SHISA9: variants seen among roughly 807,000 people sequenced by gnomAD.
SHISA9 encodes shisa family member 9, also known as protein shisa-9.
A neutral mutation model predicts 38.0 loss-of-function variants in SHISA9; 13 were observed. The observed-to-expected ratio is 0.34, with a 90% confidence interval of 0.22 to 0.54. SHISA9 has a LOEUF of 0.54. Ranked by LOEUF, SHISA9 falls within the 20% of genes least tolerant of loss-of-function variation. The pLI, the probability that SHISA9 is intolerant of heterozygous loss-of-function variation, is 0.91. For missense variants in SHISA9, 538 were observed against 575.8 expected (o/e 0.93, Z 0.67); for synonymous variants, 275 against 242.0 (o/e 1.14, Z -1.27).
At chr16:13,090,820 G>A (rs2073767133) in intron 2 of SHISA9, among the ~76,000 whole-genome samples, 1 of 152,192 alleles carries the variant, frequency 6.6e-6, no homozygotes. Context: ...TGTTATGTGT[G>A]AATTTGATCC....
At chr16:13,204,162 C>T (rs1394528126) in intron 3 of SHISA9, among the ~76,000 whole-genome samples, 1 of 149,626 alleles carries the variant, frequency 6.7e-6, no homozygotes, top group Non-Finnish European at 1.5e-5. Flanking sequence ...ATCTATCTAT[C>T]TATCTATTTA....
the SHISA9 span, among the ~76,000 whole-genome samples, chr16:13,483,671 C>A: frequency 6.6e-6 from 1 of 152,044 alleles, no homozygotes; most frequent in East Asian, 1.9e-4. Flanking sequence ...TTAAGACCAC[C>A]CATCCCCAGA....
the SHISA9 span, among the ~76,000 whole-genome samples, chr16:13,388,296 C>T: frequency 6.6e-6 from 1 of 151,252 alleles, no homozygotes; most frequent in Admixed American, 6.6e-5. Context: ...GTGGGAAATC[C>T]CAGAATTTGG....
chr16:13,294,243 A>G, the SHISA9 span, among the ~76,000 whole-genome samples: 1 of 152,324 alleles, frequency 6.6e-6, no homozygotes, highest in Admixed American at 6.5e-5. Context: ...ATCTATTATT[A>G]TATATCACAT....
At chr16:13,093,543 T>C (rs1047017568) in intron 2 of SHISA9, among the ~76,000 whole-genome samples, 1 of 152,136 alleles carries the variant, frequency 6.6e-6, no homozygotes, top group Non-Finnish European at 1.5e-5. Flanking sequence ...AGGTATCATG[T>C]GCATATGAGA....
intron 2 of SHISA9, among the ~76,000 whole-genome samples, chr16:13,184,975 T>G (rs1417823720): frequency 6.6e-6 from 1 of 152,206 alleles, no homozygotes; most frequent in East Asian, 1.9e-4. Flanking sequence ...AGGATCATAT[T>G]GTAAGTATAT....
At chr16:12,989,287 C>T (rs967663400) in intron 2 of SHISA9, among the ~76,000 whole-genome samples, 1 of 152,106 alleles carries the variant, frequency 6.6e-6, no homozygotes, top group African/African-American at 2.4e-5. Flanking sequence ...AAGTGATTCT[C>T]CTGCCTCAGC....
At chr16:13,251,535 G>C in the SHISA9 span, among the ~76,000 whole-genome samples, 2 of 152,058 alleles carry the variant, frequency 1.3e-5, no homozygotes, top group Non-Finnish European at 2.9e-5. Context: ...GGAGATTAGT[G>C]GTGCATGTTC....
the SHISA9 span, among the ~76,000 whole-genome samples, chr16:13,544,042 A>G: frequency 6.6e-6 from 1 of 152,276 alleles, no homozygotes; most frequent in Non-Finnish European, 1.5e-5. Context: ...AACCCCATGG[A>G]CATGAAAGTG....
chr16:13,410,061 G>T, the SHISA9 span, among the ~76,000 whole-genome samples: 1 of 152,200 alleles, frequency 6.6e-6, no homozygotes, highest in Admixed American at 6.5e-5. Flanking sequence ...CATGGAAGAT[G>T]GGATCTCCCA....
At chr16:13,188,159 C>T (rs1231421944) in intron 2 of SHISA9, among the ~76,000 whole-genome samples, 1 of 152,210 alleles carries the variant, frequency 6.6e-6, no homozygotes, top group Non-Finnish European at 1.5e-5. Context: ...ACCCACTGCA[C>T]ACACACTCCA....
intron 2 of SHISA9, among the ~76,000 whole-genome samples, chr16:12,991,470 G>A (rs931370039): frequency 1.3e-5 from 2 of 152,038 alleles, no homozygotes; most frequent in South Asian, 2.1e-4. Flanking sequence ...GTAAACAAAC[G>A]TCCCATTTTA....
the SHISA9 span, among the ~76,000 whole-genome samples, chr16:13,417,251 G>T: frequency 6.6e-6 from 1 of 152,186 alleles, no homozygotes; most frequent in East Asian, 1.9e-4. Flanking sequence ...AAAAGGAAAG[G>T]TGATATGTTT....
the SHISA9 span, among the ~76,000 whole-genome samples, chr16:13,506,920 G>C: frequency 7.9e-5 from 12 of 152,048 alleles, no homozygotes; most frequent in Non-Finnish European, 1.8e-4. Context: ...GTGTGCGCCT[G>C]TAGTCCCAGC....
At chr16:13,546,658 A>G in the SHISA9 span, among the ~76,000 whole-genome samples, 36 of 152,310 alleles carry the variant, frequency 2.4e-4, no homozygotes, top group Middle Eastern at 0.01. Flanking sequence ...CTGCCTATGA[A>G]GCCCTACATC....
the SHISA9 span, among the ~76,000 whole-genome samples, chr16:13,405,345 G>A: frequency 6.6e-6 from 1 of 152,218 alleles, no homozygotes; most frequent in Non-Finnish European, 1.5e-5. Context: ...AGATGTGGAA[G>A]TGTTTCCAAA....
At chr16:13,233,010 T>TC (rs1430634861) in intron 4 of SHISA9, among the ~76,000 whole-genome samples, 2 of 152,062 alleles carry the variant, frequency 1.3e-5, no homozygotes, top group African/African-American at 4.8e-5. Context: ...CAAAAAAACT[T>TC]TTTTTTTGCA....
chr16:13,163,838 G>A (rs2050614928), intron 2 of SHISA9, among the ~76,000 whole-genome samples: 1 of 151,888 alleles, frequency 6.6e-6, no homozygotes, highest in African/African-American at 2.4e-5. Flanking sequence ...CTTGTGTCTT[G>A]CAACCTTGCT....
chr16:13,397,757 C>A, the SHISA9 span, among the ~76,000 whole-genome samples: 1 of 152,106 alleles, frequency 6.6e-6, no homozygotes, highest in Non-Finnish European at 1.5e-5. Flanking sequence ...CTAGTTTAGC[C>A]ATCCACAGGC....
Sources: allele counts gnomAD v4.1 joint callset (sites outside exome capture counted in the v4.1 genomes callset), GRCh38; gene constraint gnomAD v4.1.1; transcripts MANE v1.5; gene names NCBI Gene and HGNC (gene_info 2026-07-23, HGNC 2026-07-21).